SASH1: variants seen among roughly 807,000 people sequenced by gnomAD.
SASH1 encodes SAM and SH3 domain-containing protein 1.
In SASH1, 44 loss-of-function variants were observed where a neutral mutation model predicts 125.2. The ratio of observed to expected loss-of-function variants is 0.35; its 90% CI spans 0.28 to 0.45. SASH1 has a LOEUF of 0.45. Among genes scored for constraint, SASH1 ranks in the 20% least tolerant of loss-of-function variants. The probability of loss-of-function intolerance (pLI) is 1.00; values close to 1 mark genes in which losing one functional copy is unlikely to be tolerated. For missense variants in SASH1, 1,426 were observed against 1,614.5 expected (o/e 0.88, Z 2.00); for synonymous variants, 639 against 649.1 (o/e 0.98, Z 0.24).
chr6:148,374,706 G>GGT (rs199854593), intron 1 of SASH1, among the ~76,000 whole-genome samples: 7 of 104,120 alleles, frequency 6.7e-5, no homozygotes, highest in Admixed American at 2.1e-4. Flanking sequence ...ATTTTTTTTG[G>GGT]GGGGGGGGGA....
chr6:148,227,749 C>T, the SASH1 span, among the ~76,000 whole-genome samples: 2 of 152,184 alleles, frequency 1.3e-5, no homozygotes, highest in African/African-American at 4.8e-5. Flanking sequence ...ATATTGCAAA[C>T]TGAATATGTA....
At chr6:148,327,985 A>G (rs1780885552) in intron 1 of SASH1, among the ~76,000 whole-genome samples, 1 of 152,050 alleles carries the variant, frequency 6.6e-6, no homozygotes, top group African/African-American at 2.4e-5. Flanking sequence ...AGAACACAAA[A>G]AGTAAACTGA....
chr6:148,210,285 T>C, the SASH1 span, among the ~76,000 whole-genome samples: 1 of 152,182 alleles, frequency 6.6e-6, no homozygotes, highest in African/African-American at 2.4e-5. Flanking sequence ...TCCAGCACTT[T>C]GGGAGGCCAA....
Position 148,514,421 on chromosome 6 carries a change from T to A in SASH1, c.827T>A (p.Ile276Asn). 1 of 1,449,336 alleles carries A rather than the reference T, an allele frequency of 6.9e-7. No homozygotes were observed. Among genetic ancestry groups the A allele is most frequent in the Non-Finnish European group, 9.2e-7 (1 of 1,092,588 alleles). 89.8% of individuals were successfully genotyped at this position (1,449,336 alleles called of 1,614,324 possible). ...NSTRRVRKKLIRVEEMKKPST... is the reference protein window; with the variant it reads ...NSTRRVRKKLNRVEEMKKPST... Reference sequence around the variant, plus strand: ...ACTCGCAGAGTCAGAAAGAAACTAATTAGGGTGGAAGAAATGAAAAAACCC... The same window carrying A: ...ACTCGCAGAGTCAGAAAGAAACTAAATAGGGTGGAAGAAATGAAAAAACCC... The change falls in exon 9 of 20, where the codon ATT becomes AAT. Residue 276 changes from isoleucine (I) to asparagine (N), a missense_variant. Physicochemically the swap from Ile to Asn is moderately radical, Grantham distance 149 (BLOSUM62 -3). Transcript: ENST00000367467.
At chr6:148,340,120 C>T (rs1356383732), upstream of SASH1, among the ~76,000 whole-genome samples, 1 of 152,102 alleles carries the variant, frequency 6.6e-6, no homozygotes, top group Non-Finnish European at 1.5e-5. Flanking sequence ...GAGTTATTTG[C>T]TGGAAAGTGT....
At chr6:148,378,790 G>A (rs1191854863) in intron 1 of SASH1, among the ~76,000 whole-genome samples, 1 of 152,250 alleles carries the variant, frequency 6.6e-6, no homozygotes, top group African/African-American at 2.4e-5. Flanking sequence ...TTCCATGACA[G>A]AGGTGGGACT....
the SASH1 span, among the ~76,000 whole-genome samples, chr6:148,234,139 G>A: frequency 3.9e-5 from 6 of 151,902 alleles, no homozygotes; most frequent in East Asian, 1.2e-3. Context: ...CTGGGCTCAA[G>A]GAATCCTCTC....
chr6:148,544,026 C>T lies in SASH1; in HGVS notation c.2556C>T (p.Asp852=), dbSNP rs747382502. The change falls in exon 18 of 20, where the codon GAC becomes GAT. Residue 852 remains aspartate (D), a synonymous_variant. Transcript: ENST00000367467. The surrounding 1 kb of genome is among the most constrained non-coding windows in gnomAD (Gnocchi z 6.4). ...DLQVEPGAEQ[D]VPTEVTEPPP... ...AAGTGGAGCCTGGTGCTGAGCAAGA[C>T]GTGCCTACCGAGGTGACAGAACCGC... 8.7e-6 allele frequency: 14 copies of T among 1,613,994 alleles called. No homozygotes were observed. Among genetic ancestry groups the T allele is most frequent in the East Asian group, 2.2e-5 (1 of 44,888 alleles).
intron 1 of SASH1, among the ~76,000 whole-genome samples, chr6:148,309,191 G>C (rs564647009): frequency 2.6e-5 from 4 of 152,052 alleles, no homozygotes; most frequent in South Asian, 2.1e-4. Flanking sequence ...CAGAATATTC[G>C]GTGAGAACTG....
chr6:148,211,538 T>G, the SASH1 span, among the ~76,000 whole-genome samples: 1 of 148,060 alleles, frequency 6.8e-6, no homozygotes, highest in Non-Finnish European at 1.5e-5. Flanking sequence ...GCCACTGCAC[T>G]CCAGCCTGGG....
intron 4 of SASH1, among the ~76,000 whole-genome samples, chr6:148,458,896 G>T (rs1346284184): frequency 6.6e-6 from 1 of 151,752 alleles, no homozygotes; most frequent in Non-Finnish European, 1.5e-5. Context: ...GACTCCAAGA[G>T]GTAGAGGCTG....
At chr6:148,520,623 T>A (rs965517351) in intron 10 of SASH1, among the ~76,000 whole-genome samples, 2 of 152,110 alleles carry the variant, frequency 1.3e-5, no homozygotes, top group Non-Finnish European at 2.9e-5. Context: ...AAATAAGCAT[T>A]GAAGCTAATC....
chr6:148,235,914 C>T, the SASH1 span, among the ~76,000 whole-genome samples: 3 of 152,264 alleles, frequency 2.0e-5, no homozygotes, highest in East Asian at 1.9e-4. Flanking sequence ...AAATGTAAAA[C>T]ATACATGCAG....
chr6:148,267,625 G>A (rs561412269), upstream of SASH1, among the ~76,000 whole-genome samples: 80 of 152,208 alleles, frequency 5.3e-4, no homozygotes, highest in Admixed American at 1.3e-3. Context: ...TGATCTGCCT[G>A]TCTAGGCTTC....
intron 1 of SASH1, among the ~76,000 whole-genome samples, chr6:148,288,172 C>T (rs1291776996): frequency 6.6e-6 from 1 of 152,182 alleles, no homozygotes; most frequent in Non-Finnish European, 1.5e-5. Flanking sequence ...CAGAGAGTTT[C>T]CCTGGATTTA....
the SASH1 span, among the ~76,000 whole-genome samples, chr6:148,266,154 A>G: frequency 6.6e-6 from 1 of 152,010 alleles, no homozygotes; most frequent in African/African-American, 2.4e-5. Flanking sequence ...TTGTATTTTT[A>G]GTAAAGACGG....
chr6:148,289,321 T>C lies in SASH1; in HGVS notation n.74+16944T>C, dbSNP rs116944711. On this transcript the variant is annotated intron_variant and non_coding_transcript_variant, in intron 1 of 3. Transcript: ENST00000367469. Reference sequence around the variant, plus strand: ...TGTTGACTCAGGGCAGGGCGAATGGTACACTTGGTGCCAACACCCCACTGG... The same window carrying C: ...TGTTGACTCAGGGCAGGGCGAATGGCACACTTGGTGCCAACACCCCACTGG... 2.8e-3 allele frequency among the ~76,000 whole-genome samples: 426 copies of C among 152,296 alleles called. 13 individuals carry two copies. The East Asian group carries it at 0.074, about 26-fold the overall frequency.
chr6:148,240,797 G>A, the SASH1 span, among the ~76,000 whole-genome samples: 2 of 152,086 alleles, frequency 1.3e-5, no homozygotes, highest in African/African-American at 4.8e-5. Context: ...GATCTGTCCT[G>A]GGCTAATAAA....
At chr6:148,293,111 T>C (rs1322677413) in intron 1 of SASH1, among the ~76,000 whole-genome samples, 1 of 151,794 alleles carries the variant, frequency 6.6e-6, no homozygotes, top group East Asian at 1.9e-4. Flanking sequence ...GTATAAGATC[T>C]ACCATGATCT....
Sources: gnomAD v4.1 joint callset for allele counts (sites outside exome capture counted in the v4.1 genomes callset) on GRCh38, gnomAD v4.1.1 for gene constraint, Gnocchi (gnomAD v3.1) non-coding constraint, MANE v1.5 for transcripts, NCBI Gene and HGNC (gene_info 2026-07-23, HGNC 2026-07-21) for gene names.